Variants in ADAMTS19 observed in about 807,000 individuals in gnomAD.
ADAMTS19 encodes the protein A disintegrin and metalloproteinase with thrombospondin motifs 19.
Under a neutral mutation model 153.3 loss-of-function variants are expected in ADAMTS19, and 93 were observed. The observed-to-expected ratio is 0.61, with a 90% CI of 0.51 to 0.72. The LOEUF (loss-of-function observed/expected upper bound fraction) is 0.72. Among genes scored for constraint, ADAMTS19 ranks in the 30% least tolerant of loss-of-function variants. ADAMTS19 has a pLI of 0.00. For synonymous variants in ADAMTS19, 600 were observed against 556.6 expected (o/e 1.08, Z -1.10); for missense variants, 1,482 against 1,552.1 (o/e 0.95, Z 0.76).
chr5:129,709,338 AT>A (rs1756329143), intron 21 of ADAMTS19, among the ~76,000 whole-genome samples: 1 of 152,042 alleles, frequency 6.6e-6, no homozygotes, highest in Non-Finnish European at 1.5e-5. Flanking sequence ...CTGAAAAAAA[AT>A]ATATTGACTA....
intron 8 of ADAMTS19, among the ~76,000 whole-genome samples, chr5:129,597,716 C>G (rs947901233): frequency 5.9e-5 from 9 of 151,774 alleles, no homozygotes; most frequent in Non-Finnish European, 1.0e-4. Flanking sequence ...ACCATCCTGG[C>G]CAACATGAAA....
intron 7 of ADAMTS19, among the ~76,000 whole-genome samples, chr5:129,565,303 T>C (rs1426716197): frequency 6.6e-6 from 1 of 152,198 alleles, no homozygotes; most frequent in Non-Finnish European, 1.5e-5. Flanking sequence ...GCATTGGCTA[T>C]TGGCACATTA....
Position 129,737,246 on chromosome 5 carries a change from T to C in ADAMTS19, c.*28T>C, listed in dbSNP as rs766965988. ...TCTAGCAGGCTGGCTGGATCACAGC[T>C]CTTGGCAATTACATTATTTATAAAC... On this transcript the variant is annotated 3_prime_UTR_variant, in exon 23 of 23. Transcript: ENST00000274487. 5 of 1,546,558 alleles carry C rather than the reference T, an allele frequency of 3.2e-6. No homozygotes were observed. The highest frequency in any genetic ancestry group is 3.5e-6 in the Non-Finnish European group (4 of 1,136,022).
intron 7 of ADAMTS19, 134 bp from the exon 8 acceptor site, chr5:129,596,425 T>C: frequency 1.3e-5 from 7 of 558,100 alleles, no homozygotes; most frequent in Non-Finnish European, 1.8e-5. Flanking sequence ...TTTCATTTAT[T>C]AGGGCTAGAT....
rs983248685 is a variant in ADAMTS19, at chr5:129,649,086, T to C, written c.2176+116T>C. On this transcript the variant is annotated intron_variant, in intron 13 of 22. Transcript: ENST00000274487. ...TCTTCAAAATATTTCTGAACTTTAA[T>C]TTTTTCTACCTGTATGGACATATAA... The C allele has an allele frequency of 1.9e-5, 20 of 1,058,990 alleles. No homozygotes were observed. The African/African-American group carries it at 2.8e-4, about 15-fold the overall frequency. 65.6% of individuals were successfully genotyped at this position (1,058,990 alleles called of 1,614,324 possible).
chr5:129,729,017 G>A (rs1322776886), intron 21 of ADAMTS19, among the ~76,000 whole-genome samples: 1 of 152,054 alleles, frequency 6.6e-6, no homozygotes, highest in African/African-American at 2.4e-5. Context: ...CTCTTAGGTA[G>A]CTTCACCACT....
At chr5:129,508,553 T>C (rs1004950805) in intron 2 of ADAMTS19, among the ~76,000 whole-genome samples, 8 of 152,068 alleles carry the variant, frequency 5.3e-5, no homozygotes, top group African/African-American at 1.9e-4. Flanking sequence ...CATTTTTCTC[T>C]AACTTATTCT....
chr5:129,547,609 A>T (rs7718632), intron 6 of ADAMTS19, among the ~76,000 whole-genome samples: 33,967 of 149,962 alleles, frequency 0.23, 4,553 homozygotes, highest in African/African-American at 0.26. Context: ...TTGAATCTAT[A>T]AATAGATTCA....
chr5:129,643,422 A>C (rs1488938113), intron 11 of ADAMTS19, among the ~76,000 whole-genome samples: 1 of 151,828 alleles, frequency 6.6e-6, no homozygotes, highest in African/African-American at 2.4e-5. Context: ...AAAACTCCAA[A>C]GTGTAATTAG....
chr5:129,505,365 G>T (rs1477523377), intron 2 of ADAMTS19, among the ~76,000 whole-genome samples: 1 of 152,050 alleles, frequency 6.6e-6, no homozygotes, highest in Non-Finnish European at 1.5e-5. Context: ...GTGTTATATT[G>T]CTTTCTGTTC....
chr5:129,718,514 C>CT (rs1189654096), intron 21 of ADAMTS19, among the ~76,000 whole-genome samples: 2 of 152,098 alleles, frequency 1.3e-5, no homozygotes, highest in African/African-American at 4.8e-5. Context: ...AATAGCAAAT[C>CT]TTTAAAAACA....
chr5:129,591,321 C>G (rs1368576697), intron 7 of ADAMTS19, among the ~76,000 whole-genome samples: 1 of 146,944 alleles, frequency 6.8e-6, no homozygotes, highest in Admixed American at 6.8e-5. Flanking sequence ...GAGATGGAGT[C>G]TTGCTCTATT....
chr5:129,703,460 C>T (rs918835062), intron 20 of ADAMTS19, among the ~76,000 whole-genome samples: 10 of 152,114 alleles, frequency 6.6e-5, no homozygotes, highest in East Asian at 1.9e-4. Context: ...TGGCTAGGCC[C>T]GGTGGCTCAC....
At chr5:129,677,428 G>A (rs1463275115) in intron 16 of ADAMTS19, among the ~76,000 whole-genome samples, 6 of 151,648 alleles carry the variant, frequency 4.0e-5, no homozygotes, top group Non-Finnish European at 8.8e-5. Flanking sequence ...AGTGAGCTGA[G>A]ATCGGGCCAC....
chr5:129,648,292 C>T (rs996784535), intron 12 of ADAMTS19, among the ~76,000 whole-genome samples: 5 of 152,158 alleles, frequency 3.3e-5, no homozygotes, highest in Non-Finnish European at 5.9e-5. Context: ...ATGCTAAGCA[C>T]AGGTACAGAC....
Position 129,658,608 on chromosome 5 carries a change from T to C in ADAMTS19, c.2305-9T>C, listed in dbSNP as rs1450800602. The C allele has an allele frequency of 1.2e-6, 2 of 1,610,286 alleles. No individual in the cohort carries two copies. The highest frequency in any genetic ancestry group is 2.2e-5 in the East Asian group (1 of 44,772). On this transcript the variant is annotated splice_polypyrimidine_tract_variant and intron_variant, in intron 14 of 22. Transcript: ENST00000274487. Reference sequence around the variant, plus strand: ...CTATTTATGATGTGCTGTCACTCTCTTGTTACAGAAAGTTGGCTGTGATGG... The same window carrying C: ...CTATTTATGATGTGCTGTCACTCTCCTGTTACAGAAAGTTGGCTGTGATGG...
chr5:129,480,448 A>G (rs1371803559), intron 2 of ADAMTS19, among the ~76,000 whole-genome samples: 1 of 152,184 alleles, frequency 6.6e-6, no homozygotes, highest in African/African-American at 2.4e-5. Context: ...AATGACACTG[A>G]TATAAAAACA....
intron 21 of ADAMTS19, among the ~76,000 whole-genome samples, chr5:129,708,230 C>T (rs915825958): frequency 2.6e-4 from 39 of 152,208 alleles, no homozygotes; most frequent in African/African-American, 8.9e-4. Context: ...AAAATGTTCA[C>T]GTTTATTTCA....
intron 18 of ADAMTS19, among the ~76,000 whole-genome samples, chr5:129,694,437 A>G (rs1755467479): frequency 6.6e-6 from 1 of 152,094 alleles, no homozygotes; most frequent in South Asian, 2.1e-4. Flanking sequence ...ACATTTCAAA[A>G]TAACTAGAAG....
Sources: allele counts gnomAD v4.1 joint callset (sites outside exome capture counted in the v4.1 genomes callset), GRCh38; gene constraint gnomAD v4.1.1; transcripts MANE v1.5; gene names NCBI Gene and HGNC (gene_info 2026-07-23, HGNC 2026-07-21).